The following RREB1 variants were observed in gnomAD, a reference collection of about 807,000 sequenced individuals.
The protein encoded by RREB1 is ras-responsive element-binding protein 1.
In RREB1, 27 loss-of-function variants were observed where a neutral mutation model predicts 117.8. The observed-to-expected ratio is 0.23, with a 90% CI of 0.17 to 0.32. The LOEUF is 0.32. Ranked by LOEUF, RREB1 falls within the 10% of genes least tolerant of loss-of-function variation. The pLI is 1.00. For synonymous variants in RREB1, 1,298 were observed against 1,026.7 expected, an observed-to-expected ratio of 1.26 and a Z score of -5.05; for missense variants, 2,577 against 2,378.2, an observed-to-expected ratio of 1.08 and a Z score of -1.74.
chr6:7,224,494 C>T lies in RREB1; in HGVS notation c.708-1973C>T, dbSNP rs928178856. On this transcript the variant is annotated intron_variant, in intron 8 of 12. Transcript: ENST00000379938. ...TGGATTGGCGACCATGGGGAGGGTG[C>T]AATTGAACTTGAGCATGGGGGAAAT... is the stretch of plus-strand genomic sequence containing the variant. Among the ~76,000 whole-genome samples the T allele has an allele frequency of 5.3e-5, 8 of 150,202 alleles. No individual in the cohort carries two copies. The East Asian group carries it at 1.6e-3, about 29-fold the overall frequency.
At chr6:7,242,651 C>CT (rs1561806252) in intron 11 of RREB1, among the ~76,000 whole-genome samples, 2 of 148,444 alleles carry the variant, frequency 1.3e-5, no homozygotes, top group South Asian at 4.7e-4. Flanking sequence ...TTCCCCCCCC[C>CT]CAGTGAAGTT....
At chr6:7,173,032 T>C (rs1287001703) in intron 1 of RREB1, among the ~76,000 whole-genome samples, 1 of 152,178 alleles carries the variant, frequency 6.6e-6, no homozygotes, top group Non-Finnish European at 1.5e-5. Context: ...TAGCCTGTCG[T>C]GGGTTGGCCT....
intron 6 of RREB1, among the ~76,000 whole-genome samples, chr6:7,196,255 A>T (rs1427832120): frequency 5.1e-5 from 7 of 137,230 alleles, no homozygotes; most frequent in African/African-American, 1.9e-4. Flanking sequence ...TTGCTGAAAC[A>T]CTCGGCCTCA....
intron 1 of RREB1, among the ~76,000 whole-genome samples, chr6:7,125,867 A>C (rs1183370783): frequency 6.6e-6 from 1 of 152,146 alleles, no homozygotes; most frequent in Non-Finnish European, 1.5e-5. Flanking sequence ...GGGGGTTCCC[A>C]GTGTGCCTTG....
rs767920058 is a variant in RREB1, at chr6:7,230,840, A to G, written c.2741A>G (p.Gln914Arg). Residue 914 changes from glutamine to arginine, a missense_variant, in exon 10 of 13, where the codon CAG (glutamine) becomes CGG (arginine). Physicochemically the swap from Gln to Arg is conservative, Grantham distance 43. Coordinates refer to ENST00000379938, the MANE Select transcript of RREB1 (RefSeq NM_001003699.4). ...GGCCTGGCCCTGGTCCAAGTGAAGCAGGAAAACATCTCCTTTCTGAGCCCT... is the reference window on the plus strand; with the variant it reads ...GGCCTGGCCCTGGTCCAAGTGAAGCGGGAAAACATCTCCTTTCTGAGCCCT... The part of the protein sequence containing the change: ...QKGLALVQVK[Q>R]ENISFLSPSS... 7 of 1,614,254 alleles carry G rather than the reference A, an allele frequency of 4.3e-6. No individual in the cohort carries two copies. In the East Asian group the frequency reaches 1.3e-4, roughly 31 times the overall value.
intron 8 of RREB1, among the ~76,000 whole-genome samples, chr6:7,224,160 C>G (rs1767448806): frequency 6.6e-6 from 1 of 152,182 alleles, no homozygotes; most frequent in South Asian, 2.1e-4. Context: ...ATAATAAACT[C>G]GATGTACCCT....
At chr6:7,171,189 C>T (rs553925510) in intron 1 of RREB1, among the ~76,000 whole-genome samples, 13 of 152,320 alleles carry the variant, frequency 8.5e-5, no homozygotes, top group African/African-American at 3.1e-4. Flanking sequence ...TGAAGTGCCC[C>T]ATCACTTTGC....
chr6:7,240,804 C>A (rs908496075), intron 11 of RREB1, among the ~76,000 whole-genome samples: 3 of 152,164 alleles, frequency 2.0e-5, no homozygotes, highest in African/African-American at 7.2e-5. Context: ...ATCGCCTAGA[C>A]AGACAGCAGA....
At chr6:7,126,903 C>T (rs896705659) in intron 1 of RREB1, among the ~76,000 whole-genome samples, 8 of 152,086 alleles carry the variant, frequency 5.3e-5, no homozygotes, top group African/African-American at 1.9e-4. Flanking sequence ...CCAGCAAGGA[C>T]AAGTGGAGGG....
At chr6:7,189,134 C>T (rs1245946773) in intron 5 of RREB1, 25 bp from the exon 6 acceptor site, 4 of 1,599,252 alleles carry the variant, frequency 2.5e-6, no homozygotes, top group Admixed American at 3.4e-5. Flanking sequence ...TCTTAAGTGA[C>T]CGCTGTGACC....
In RREB1 at chr6:7,230,747, C is replaced by G; in HGVS notation, c.2648C>G (p.Ser883Trp). The change falls in exon 10 of 13, where the codon TCG becomes TGG. Residue 883 changes from serine to tryptophan, a missense_variant. Transcript: ENST00000379938. The part of the protein sequence containing the change: ...GPTQPPPPHV[S>W]IKLEPASSFA... The stretch of plus-strand genomic sequence containing the variant: ...ACCCAGCCTCCACCTCCCCATGTCT[C>G]GATCAAGTTGGAGCCCGCCAGTAGC... The G allele has an allele frequency of 1.2e-6, 2 of 1,608,332 alleles. No homozygotes were observed. Among genetic ancestry groups the G allele is most frequent in the Non-Finnish European group, 1.7e-6 (2 of 1,176,658 alleles).
At chr6:7,156,099 T>C (rs553729689) in intron 1 of RREB1, among the ~76,000 whole-genome samples, 2 of 152,388 alleles carry the variant, frequency 1.3e-5, no homozygotes, top group African/African-American at 4.8e-5. Context: ...AGCCAGGGCT[T>C]AACCACGGGG....
At chr6:7,130,215 A>T (rs1762093063) in intron 1 of RREB1, among the ~76,000 whole-genome samples, 1 of 152,192 alleles carries the variant, frequency 6.6e-6, no homozygotes, top group Non-Finnish European at 1.5e-5. Flanking sequence ...CCTCCAAATC[A>T]TTTTTATCCT....
intron 1 of RREB1, among the ~76,000 whole-genome samples, chr6:7,157,297 G>T (rs1313961657): frequency 6.6e-6 from 1 of 152,026 alleles, no homozygotes; most frequent in Non-Finnish European, 1.5e-5. Context: ...AGCCAGGTGT[G>T]GTGGGGCGTG....
At chr6:7,147,707 T>C (rs1310869756) in intron 1 of RREB1, among the ~76,000 whole-genome samples, 1 of 152,242 alleles carries the variant, frequency 6.6e-6, no homozygotes, top group African/African-American at 2.4e-5. Context: ...ACAGTTTTCT[T>C]ATTTACTGAA....
intron 6 of RREB1, among the ~76,000 whole-genome samples, chr6:7,197,138 A>G (rs749267466): frequency 6.6e-5 from 10 of 152,358 alleles, no homozygotes; most frequent in Admixed American, 3.3e-4. Context: ...AAAGCTGTGA[A>G]GAAATGATAC....
intron 10 of RREB1, among the ~76,000 whole-genome samples, chr6:7,232,792 G>T (rs1469859631): frequency 5.7e-5 from 8 of 140,376 alleles, no homozygotes. Flanking sequence ...AAATAAAAGA[G>T]TCTCACTATA....
intron 9 of RREB1, among the ~76,000 whole-genome samples, chr6:7,228,203 C>T (rs1053584167): frequency 4.6e-5 from 7 of 152,086 alleles, no homozygotes; most frequent in African/African-American, 9.7e-5. Context: ...CATGTGTGTG[C>T]ACCCCCCAGG....
At chr6:7,171,369 G>A (rs1403127328) in intron 1 of RREB1, among the ~76,000 whole-genome samples, 1 of 152,182 alleles carries the variant, frequency 6.6e-6, no homozygotes, top group Non-Finnish European at 1.5e-5. Flanking sequence ...CAGGTGCAGA[G>A]CATCTGGAAG....
Sources: allele counts gnomAD v4.1 joint callset (sites outside exome capture counted in the v4.1 genomes callset), GRCh38; gene constraint gnomAD v4.1.1; transcripts MANE v1.5; gene names NCBI Gene and HGNC (gene_info 2026-07-23, HGNC 2026-07-21).